The following CHMP4B variants were observed in gnomAD, a reference collection of about 807,000 sequenced individuals.
CHMP4B encodes the protein charged multivesicular body protein 4B, also known as SNF7 homolog associated with Alix 1.
In CHMP4B, 1 loss-of-function variant was observed where a neutral mutation model predicts 25.1. That is an observed-to-expected ratio of 0.04 (90% confidence interval 0.01 to 0.19). CHMP4B has a LOEUF of 0.19. Ranked by LOEUF, CHMP4B falls within the 10% of genes least tolerant of loss-of-function variation. The pLI is 1.00. For synonymous variants in CHMP4B, 101 were observed against 115.6 expected (o/e 0.87, Z 0.81); for missense variants, 151 against 289.7 (o/e 0.52, Z 3.48).
At chr20:33,838,231 A>G (rs1417220882) in intron 1 of CHMP4B, among the ~76,000 whole-genome samples, 1 of 152,196 alleles carries the variant, frequency 6.6e-6, no homozygotes, top group African/African-American at 2.4e-5. Flanking sequence ...ACACAGCCTT[A>G]ACTGCCTGAA....
At chr20:33,837,044 C>A (rs1452245131) in intron 1 of CHMP4B, among the ~76,000 whole-genome samples, 1 of 152,118 alleles carries the variant, frequency 6.6e-6, no homozygotes, top group Non-Finnish European at 1.5e-5. Flanking sequence ...GTAAAATTGG[C>A]TAGTAAGACG....
intron 1 of CHMP4B, among the ~76,000 whole-genome samples, chr20:33,820,009 T>C (rs1312437363): frequency 4.9e-5 from 7 of 143,170 alleles, no homozygotes; most frequent in Admixed American, 6.9e-5. Context: ...CTACTAAAAA[T>C]ACAAAAAAAA....
At chr20:33,851,820 A>G (rs545442138) in intron 3 of CHMP4B, among the ~76,000 whole-genome samples, 1 of 152,330 alleles carries the variant, frequency 6.6e-6, no homozygotes, top group African/African-American at 2.4e-5. Context: ...AGGCAAAGAT[A>G]TGATCCCCTC....
intron 1 of CHMP4B, among the ~76,000 whole-genome samples, chr20:33,816,630 C>A (rs1301251496): frequency 6.6e-6 from 1 of 152,164 alleles, no homozygotes; most frequent in East Asian, 1.9e-4. Context: ...GGAAGATGAT[C>A]AAATATCAAA....
At chr20:33,825,111 C>A (rs1325785055) in intron 1 of CHMP4B, among the ~76,000 whole-genome samples, 2 of 152,200 alleles carry the variant, frequency 1.3e-5, no homozygotes, top group Non-Finnish European at 2.9e-5. Flanking sequence ...GAATCCCTCC[C>A]ACTCAGGACT....
At chr20:33,844,966 A>G (rs377049010) in intron 1 of CHMP4B, among the ~76,000 whole-genome samples, 2 of 152,070 alleles carry the variant, frequency 1.3e-5, no homozygotes, top group East Asian at 3.9e-4. Context: ...TCACCGTGTT[A>G]GCCAGGATGG....
chr20:33,814,481 C>T (rs1978727577), intron 1 of CHMP4B, among the ~76,000 whole-genome samples: 1 of 152,002 alleles, frequency 6.6e-6, no homozygotes, highest in South Asian at 2.1e-4. Context: ...GAAGACTTGG[C>T]AGAGGAAGGA....
intron 1 of CHMP4B, among the ~76,000 whole-genome samples, chr20:33,827,194 A>G (rs914728628): frequency 6.6e-6 from 1 of 152,220 alleles, no homozygotes; most frequent in Non-Finnish European, 1.5e-5. Context: ...GACGCTGCAC[A>G]GTAGTTCAGA....
At chr20:33,834,523 G>T (rs1057248701) in intron 1 of CHMP4B, among the ~76,000 whole-genome samples, 2 of 152,140 alleles carry the variant, frequency 1.3e-5, no homozygotes, top group African/African-American at 4.8e-5. Flanking sequence ...ACGTTGCTCA[G>T]TCCCAAGCTG....
At chr20:33,819,657 G>T (rs576925647) in intron 1 of CHMP4B, among the ~76,000 whole-genome samples, 2 of 152,302 alleles carry the variant, frequency 1.3e-5, no homozygotes, top group African/African-American at 4.8e-5. Context: ...AGCTCAAAAG[G>T]TCAGTGATGT....
chr20:33,853,524 C>A lies in CHMP4B; in HGVS notation c.639C>A (p.Asp213Glu). The A allele has an allele frequency of 6.2e-7, 1 of 1,613,818 alleles. No homozygotes were observed. The change falls in exon 5 of 5, where the codon GAC becomes GAA. Residue 213 changes from aspartate (D) to glutamate (E), a missense_variant. Physicochemically the swap from Asp to Glu is conservative, Grantham distance 45. Around this residue, in one of 3 missense-constraint regions of CHMP4B, gnomAD observed 41 missense variants for 50.9 expected, o/e 0.81. Transcript: ENST00000217402. Reference sequence around the variant, plus strand: ...AGAAGAAAGAAGAGGAGGACGACGACATGAAGGAATTGGAGAACTGGGCTG... The same window carrying A: ...AGAAGAAAGAAGAGGAGGACGACGAAATGAAGGAATTGGAGAACTGGGCTG... ...PAKKKEEEDD[D>E]MKELENWAGS...
intron 1 of CHMP4B, among the ~76,000 whole-genome samples, chr20:33,846,676 C>CATGG (rs1416225364): frequency 6.6e-6 from 1 of 152,190 alleles, no homozygotes; most frequent in Non-Finnish European, 1.5e-5. Flanking sequence ...GTAGAAGGAG[C>CATGG]ATGGGACCTA....
intron 1 of CHMP4B, among the ~76,000 whole-genome samples, chr20:33,825,758 T>C (rs909531518): frequency 2.0e-5 from 3 of 152,234 alleles, no homozygotes; most frequent in Non-Finnish European, 1.5e-5. Context: ...CTTGGGAATC[T>C]GTGTTTGCAG....
intron 1 of CHMP4B, among the ~76,000 whole-genome samples, chr20:33,828,327 GA>G (rs1462181370): frequency 1.3e-5 from 2 of 152,210 alleles, no homozygotes; most frequent in Non-Finnish European, 2.9e-5. Context: ...TCATTCCAGT[GA>G]ATTCTACTGT....
chr20:33,830,933 G>GTTGTTTTTTTTTTTTTT (rs746793442), intron 1 of CHMP4B, among the ~76,000 whole-genome samples: 6 of 102,524 alleles, frequency 5.9e-5, no homozygotes, highest in African/African-American at 2.2e-4. Context: ...AAGGAACAGA[G>GTTGTTTTTTTTTTTTTT]TTTTTTTTTT....
At chr20:33,843,179 T>G (rs1010407264) in intron 1 of CHMP4B, among the ~76,000 whole-genome samples, 1 of 152,236 alleles carries the variant, frequency 6.6e-6, no homozygotes, top group African/African-American at 2.4e-5. Flanking sequence ...TTGGAGGGGC[T>G]AATGAAGCAA....
chr20:33,822,844 G>A (rs1487926906), intron 1 of CHMP4B, among the ~76,000 whole-genome samples: 1 of 151,986 alleles, frequency 6.6e-6, no homozygotes, highest in African/African-American at 2.4e-5. Context: ...ACCCAGGCTG[G>A]AGTGCAGCGG....
chr20:33,852,892 G>A (rs774111105), intron 4 of CHMP4B, among the ~76,000 whole-genome samples: 46 of 151,832 alleles, frequency 3.0e-4, no homozygotes, highest in Non-Finnish European at 5.9e-4. Context: ...CCATCCCCTC[G>A]CACAATATTT....
chr20:33,815,788 CAA>C (rs1178713364), intron 1 of CHMP4B, among the ~76,000 whole-genome samples: 1 of 152,184 alleles, frequency 6.6e-6, no homozygotes. Context: ...GAACTCAACT[CAA>C]AGACCAGTTC....
Sources: gnomAD v4.1 joint callset for allele counts (sites outside exome capture counted in the v4.1 genomes callset) on GRCh38, gnomAD v4.1.1 for gene constraint, gnomAD v4.1.1 regional missense constraint, MANE v1.5 for transcripts, NCBI Gene and HGNC (gene_info 2026-07-23, HGNC 2026-07-21) for gene names.